PCDH15: variants seen among roughly 807,000 people sequenced by gnomAD.
PCDH15 encodes the protein protocadherin-15.
PCDH15 carries 129 observed loss-of-function variants against 178.5 expected under a neutral mutation model. The ratio of observed to expected loss-of-function variants is 0.72; its 90% CI spans 0.63 to 0.84. The LOEUF (loss-of-function observed/expected upper bound fraction) is 0.84, where lower values mean the gene tolerates loss of function less well. PCDH15 is among the 40% of genes least tolerant of loss of function. The pLI, the probability that PCDH15 is intolerant of heterozygous loss-of-function variation, is 0.00. For missense variants in PCDH15, 2,230 were observed against 2,099.9 expected, an observed-to-expected ratio of 1.06 and a Z score of -1.21; for synonymous variants, 800 against 732.0, an observed-to-expected ratio of 1.09 and a Z score of -1.50.
chr10:54,850,780 A>C (rs1160722018), intron 3 of PCDH15, among the ~76,000 whole-genome samples: 1 of 152,184 alleles, frequency 6.6e-6, no homozygotes, highest in Non-Finnish European at 1.5e-5. Context: ...AGTTTGCCAA[A>C]TTATAATGTA....
chr10:55,249,838 T>C (rs944072322), intron 1 of PCDH15, among the ~76,000 whole-genome samples: 8 of 151,960 alleles, frequency 5.3e-5, no homozygotes, highest in Admixed American at 5.2e-4. Context: ...TTATGTCATG[T>C]TTTTTCTGGT....
chr10:55,432,119 AG>A (rs1471590056), intron 2 of PCDH15, among the ~76,000 whole-genome samples: 10 of 151,642 alleles, frequency 6.6e-5, no homozygotes, highest in African/African-American at 1.7e-4. Flanking sequence ...ACACACCACA[AG>A]TCTCTCCAAT....
intron 3 of PCDH15, among the ~76,000 whole-genome samples, chr10:54,526,518 T>C (rs1319518055): frequency 6.6e-6 from 1 of 152,192 alleles, no homozygotes; most frequent in Non-Finnish European, 1.5e-5. Context: ...TCTTTTTTCA[T>C]ATATCTTTTA....
intron 20 of PCDH15, among the ~76,000 whole-genome samples, chr10:54,010,882 T>C (rs2092559686): frequency 6.6e-6 from 1 of 152,154 alleles, no homozygotes; most frequent in Non-Finnish European, 1.5e-5. Context: ...CTAGTGGCTT[T>C]GTGTTTCCTT....
chr10:53,860,783 G>A (rs940056033), intron 27 of PCDH15, among the ~76,000 whole-genome samples: 1 of 150,494 alleles, frequency 6.6e-6, no homozygotes, highest in Non-Finnish European at 1.5e-5. Flanking sequence ...GAAATAGTAG[G>A]AGCTAACATT....
At chr10:55,418,650 A>T (rs1482197267) in intron 2 of PCDH15, among the ~76,000 whole-genome samples, 4 of 151,750 alleles carry the variant, frequency 2.6e-5, no homozygotes, top group African/African-American at 7.2e-5. Flanking sequence ...ACTCTGGATG[A>T]CATTTTGTAA....
chr10:55,204,991 C>CT (rs958962934), intron 1 of PCDH15, among the ~76,000 whole-genome samples: 3 of 151,838 alleles, frequency 2.0e-5, no homozygotes, highest in South Asian at 2.1e-4. Context: ...ACAAATTTGG[C>CT]TTTTTTCTGT....
chr10:54,807,233 A>G (rs1952793574), intron 3 of PCDH15, among the ~76,000 whole-genome samples: 1 of 152,198 alleles, frequency 6.6e-6, no homozygotes, highest in Non-Finnish European at 1.5e-5. Flanking sequence ...ACAATCAAAC[A>G]TACTTTCAAT....
rs2077355813 is a variant in PCDH15, at chr10:54,463,920, AAAC to A, written c.157+63889_157+63891del. 2.0e-5 allele frequency among the ~76,000 whole-genome samples: 3 copies of A among 152,322 alleles called. No individual in the cohort carries two copies. The South Asian group carries it at 6.2e-4, about 32-fold the overall frequency. ...GAGAAGAGGACATTTGAGACAGAGA[AAAC>A]AACATGTGTGAACAAGGCCTGAAGT... On this transcript the variant is annotated intron_variant, in intron 3 of 37. Coordinates refer to ENST00000644397, the MANE Select transcript of PCDH15 (RefSeq NM_001384140.1).
intron 2 of PCDH15, among the ~76,000 whole-genome samples, chr10:54,561,406 A>G (rs1055885373): frequency 1.3e-5 from 2 of 152,224 alleles, no homozygotes; most frequent in South Asian, 2.1e-4. Context: ...CAATAAAACT[A>G]AAACATTTTC....
chr10:54,093,799 T>C (rs1009686811), intron 15 of PCDH15, among the ~76,000 whole-genome samples: 1 of 152,178 alleles, frequency 6.6e-6, no homozygotes, highest in African/African-American at 2.4e-5. Context: ...GATTTCTCTG[T>C]ACTTTAATTA....
In PCDH15 at chr10:53,959,907, T is replaced by C. The variant is rs895208494; in HGVS notation, c.3010-63A>G. Reference sequence around the variant, plus strand: ...GTAAGAACAGCGTAACAGCACAATTTTTATATGTATGTTTTTACTTATTGG... The same window carrying C: ...GTAAGAACAGCGTAACAGCACAATTCTTATATGTATGTTTTTACTTATTGG... On this transcript the variant is annotated intron_variant, in intron 22 of 37. Transcript: ENST00000644397. 4.1e-6 allele frequency: 5 copies of C among 1,228,788 alleles called. No homozygotes were observed. In the Admixed American group the frequency reaches 7.0e-5, roughly 17 times the overall value. The allele number at this position is 1,228,788 out of a possible 1,614,324, so 76.1% of individuals were successfully genotyped here.
At chr10:54,849,978 G>A (rs1027959895) in intron 3 of PCDH15, among the ~76,000 whole-genome samples, 5 of 152,036 alleles carry the variant, frequency 3.3e-5, no homozygotes, top group Non-Finnish European at 5.9e-5. Context: ...GGTGGGATTG[G>A]GAGAGGTATC....
At chr10:54,024,059 ATGTT>A (rs1312445506) in intron 18 of PCDH15, among the ~76,000 whole-genome samples, 1 of 152,168 alleles carries the variant, frequency 6.6e-6, no homozygotes, top group Non-Finnish European at 1.5e-5. Context: ...ATAAGTAAGA[ATGTT>A]TGATACCATA....
chr10:54,561,635 T>C (rs1014622349), intron 2 of PCDH15, among the ~76,000 whole-genome samples: 15 of 152,072 alleles, frequency 9.9e-5, no homozygotes, highest in Non-Finnish European at 2.1e-4. Context: ...TTATCTCACT[T>C]CCTAGGTTTC....
At chr10:54,698,897 T>A (rs1182362728) in intron 1 of PCDH15, among the ~76,000 whole-genome samples, 1 of 152,130 alleles carries the variant, frequency 6.6e-6, no homozygotes. Context: ...TAAAGCAGTC[T>A]TTGATAATGA....
chr10:54,476,880 C>A (rs2078312775), intron 3 of PCDH15, among the ~76,000 whole-genome samples: 1 of 152,058 alleles, frequency 6.6e-6, no homozygotes, highest in African/African-American at 2.4e-5. Context: ...AATTTGTCAT[C>A]AATTTCTAAA....
intron 2 of PCDH15, among the ~76,000 whole-genome samples, chr10:55,529,402 G>C (rs938780720): frequency 1.2e-4 from 18 of 151,828 alleles, no homozygotes; most frequent in Non-Finnish European, 2.1e-4. Context: ...ATTAATTTTT[G>C]ATGAAGTCCT....
intron 2 of PCDH15, among the ~76,000 whole-genome samples, chr10:55,471,126 G>C (rs1314749423): frequency 1.3e-5 from 2 of 152,036 alleles, no homozygotes; most frequent in African/African-American, 2.4e-5. Context: ...TTAAACATCT[G>C]TACTGATTTT....
Sources: allele counts gnomAD v4.1 joint callset (sites outside exome capture counted in the v4.1 genomes callset), GRCh38; gene constraint gnomAD v4.1.1; transcripts MANE v1.5; gene names NCBI Gene and HGNC (gene_info 2026-07-23, HGNC 2026-07-21).